The following TMEM9 variants were observed in gnomAD, a reference collection of about 807,000 sequenced individuals.
The protein encoded by TMEM9 is proton-transporting V-type ATPase complex assembly regulator TMEM9.
In TMEM9, 13 loss-of-function variants were observed where a neutral mutation model predicts 22.8. That is an observed-to-expected ratio of 0.57 (90% CI 0.37 to 0.91). TMEM9 has a LOEUF of 0.91. Ranked by LOEUF, TMEM9 falls within the 40% of genes least tolerant of loss-of-function variation. The probability of loss-of-function intolerance (pLI) is 0.01; values close to 1 mark genes in which losing one functional copy is unlikely to be tolerated. For missense variants in TMEM9, 182 were observed against 238.1 expected (o/e 0.76, Z 1.55); for synonymous variants, 88 against 93.0 (o/e 0.95, Z 0.31).
At chr1:201,169,017 G>T (rs1236181572) in intron 1 of TMEM9, among the ~76,000 whole-genome samples, 3 of 147,054 alleles carry the variant, frequency 2.0e-5, no homozygotes, top group Non-Finnish European at 4.5e-5. Context: ...TGCCCGAGCT[G>T]GTCTGAACTC....
chr1:201,135,494 A>G lies in TMEM9; in HGVS notation c.*169T>C, dbSNP rs926260989. The G allele has an allele frequency of 4.5e-6, 3 of 670,906 alleles. No homozygotes were observed. Among genetic ancestry groups the G allele is most frequent in the African/African-American group, 1.9e-5 (1 of 53,218 alleles). 41.6% of individuals were successfully genotyped at this position (670,906 alleles called of 1,614,324 possible). A position where few individuals can be genotyped will look rare whatever the true frequency, so the allele number is the denominator to read the frequency against. On this transcript the variant is annotated 3_prime_UTR_variant, in exon 5 of 5. Coordinates refer to ENST00000367330, the MANE Select transcript of TMEM9 (RefSeq NM_001288565.2). Reference sequence around the variant, plus strand: ...GAGACCACATCCCTCTTCCCTAATCAAAATAGCCAAGTACAACATTTCTAA... The same window carrying G: ...GAGACCACATCCCTCTTCCCTAATCGAAATAGCCAAGTACAACATTTCTAA...
At position 201,135,127 on chromosome 1, in the gene TMEM9, G is replaced by A. The variant is rs1663860048; in HGVS notation, c.*536C>T. On this transcript the variant is annotated 3_prime_UTR_variant, in exon 5 of 5. Coordinates refer to ENST00000367330, the MANE Select transcript of TMEM9 (RefSeq NM_001288565.2). ...GCACCCTGAAGACCCAGTGGGCTCA[G>A]GGGGCCCAGCTCTCCCATCAGAGCT... The A allele has an allele frequency of 6.5e-6, 1 of 152,996 alleles. No individual in the cohort carries two copies. Among genetic ancestry groups the A allele is most frequent in the African/African-American group, 2.4e-5 (1 of 41,466 alleles). 9.5% of individuals were successfully genotyped at this position (152,996 alleles called of 1,614,324 possible).
chr1:201,155,675 G>A (rs1376996200), upstream of TMEM9, among the ~76,000 whole-genome samples: 1 of 152,178 alleles, frequency 6.6e-6, no homozygotes, highest in Non-Finnish European at 1.5e-5. Flanking sequence ...AGTGACCAGG[G>A]CAGGAATCCT....
upstream of TMEM9, among the ~76,000 whole-genome samples, chr1:201,157,109 T>C (rs750369395): frequency 6.6e-6 from 1 of 152,118 alleles, no homozygotes; most frequent in Non-Finnish European, 1.5e-5. Flanking sequence ...AGAGGGGTCC[T>C]GGAAAAATGA....
In TMEM9 at chr1:201,154,141, C is replaced by T; in HGVS notation, c.-218G>A. 1 of 572,714 alleles carries T rather than the reference C, an allele frequency of 1.7e-6. No individual in the cohort carries two copies. The highest frequency in any genetic ancestry group is 2.1e-5 in the South Asian group (1 of 47,138). 35.5% of individuals were successfully genotyped at this position (572,714 alleles called of 1,614,324 possible). ...CCCGCCCAACTCTCCGGCTCTCCGC[C>T]AGCCACCTGGTGAGCCCGGCAGAGG... is the stretch of plus-strand genomic sequence containing the variant. On this transcript the variant is annotated 5_prime_UTR_variant, in exon 1 of 5. An upstream open reading frame in the 5' UTR gains an earlier in-frame stop. Coordinates refer to ENST00000367330, the MANE Select transcript of TMEM9 (RefSeq NM_001288565.2).
At chr1:201,139,243 C>T (rs1664289299) in intron 4 of TMEM9, among the ~76,000 whole-genome samples, 1 of 152,200 alleles carries the variant, frequency 6.6e-6, no homozygotes, top group Non-Finnish European at 1.5e-5. Context: ...TCCCTCCTCC[C>T]CAATCCCAGG....
Position 201,166,379 on chromosome 1 carries a change from T to C in TMEM9, c.-37+5111A>G, listed in dbSNP as rs541344551. Among the ~76,000 whole-genome samples the C allele has an allele frequency of 1.8e-3, 227 of 128,956 alleles. 1 individual carries two copies. Among genetic ancestry groups the C allele is most frequent in the African/African-American group, 6.6e-3 (223 of 33,604 alleles). The allele number at this position is 128,956 out of a possible 152,430, so 84.6% of individuals were successfully genotyped here. A position where few individuals can be genotyped will look rare whatever the true frequency, so the allele number is the denominator to read the frequency against. ...AAGACTATGATTCTTTTTTTTTTTTTGATACAGAGTCTCACTCTGTCACCC... is the reference window on the plus strand; with the variant it reads ...AAGACTATGATTCTTTTTTTTTTTTCGATACAGAGTCTCACTCTGTCACCC... On this transcript the variant is annotated intron_variant, in intron 1 of 5. Transcript: ENST00000367333.
intron 1 of TMEM9, among the ~76,000 whole-genome samples, chr1:201,167,229 G>C (rs894643254): frequency 6.6e-6 from 1 of 152,122 alleles, no homozygotes; most frequent in Non-Finnish European, 1.5e-5. Flanking sequence ...TAATTGATGC[G>C]GGGCCAGCCA....
In TMEM9 at chr1:201,135,468, A is replaced by C; in HGVS notation, c.*195T>G. ...AAGACCCAAGAAGACAACAGAGATC[A>C]GAGACCACATCCCTCTTCCCTAATC... is the stretch of plus-strand genomic sequence containing the variant. On this transcript the variant is annotated 3_prime_UTR_variant, in exon 5 of 5. Transcript: ENST00000367330. 1.9e-6 allele frequency: 1 copy of C among 526,100 alleles called. No individual in the cohort carries two copies. The highest frequency in any genetic ancestry group is 3.2e-6 in the Non-Finnish European group (1 of 313,116). 32.6% of individuals were successfully genotyped at this position (526,100 alleles called of 1,614,324 possible).
chr1:201,150,825 G>A (rs1665366273), intron 2 of TMEM9, among the ~76,000 whole-genome samples: 1 of 152,138 alleles, frequency 6.6e-6, no homozygotes, highest in African/African-American at 2.4e-5. Flanking sequence ...TTTTCTCAAA[G>A]CTCATCTGCT....
At chr1:201,160,003 G>A (rs1343772696) in intron 1 of TMEM9, among the ~76,000 whole-genome samples, 1 of 152,204 alleles carries the variant, frequency 6.6e-6, no homozygotes, top group Non-Finnish European at 1.5e-5. Flanking sequence ...TCTTTTGGGT[G>A]TAGACCTCAT....
At chr1:201,165,438 T>C (rs1666050174) in intron 1 of TMEM9, among the ~76,000 whole-genome samples, 8 of 149,428 alleles carry the variant, frequency 5.4e-5, no homozygotes, top group Admixed American at 4.0e-4. Flanking sequence ...ATTTTCTTTT[T>C]CTTTCTTTTT....
intron 3 of TMEM9, 84 bp downstream of exon 3, chr1:201,146,656 G>C (rs1177967191): frequency 1.4e-6 from 2 of 1,388,664 alleles, no homozygotes; most frequent in African/African-American, 2.8e-5. Context: ...CCAGAATAAA[G>C]TGAAAAACTG....
At chr1:201,154,729 A>G (rs953009686), upstream of TMEM9, among the ~76,000 whole-genome samples, 2 of 152,146 alleles carry the variant, frequency 1.3e-5, no homozygotes, top group South Asian at 4.2e-4. Flanking sequence ...GTATTATAAA[A>G]CTCAGCTTGT....
chr1:201,135,682 C>T lies in TMEM9; in HGVS notation c.533G>A (p.Arg178Gln), dbSNP rs771944962. 1.2e-5 allele frequency: 19 copies of T among 1,612,272 alleles called. No homozygotes were observed. Among genetic ancestry groups the T allele is most frequent in the Non-Finnish European group, 1.4e-5 (17 of 1,179,190 alleles). ...GCCCATCTAGCTGAGCATCTTGTGC[C>T]GATCGAAGACTGTCTTCCGCTGCTC... is the stretch of plus-strand genomic sequence containing the variant. ...VQEQRKTVFD[R>Q]HKMLS The change falls in exon 5 of 5, where the codon CGG (arginine) becomes CAG (glutamine). Residue 178 changes from arginine to glutamine, a missense_variant. Physicochemically the swap from Arg to Gln is conservative, Grantham distance 43. Coordinates refer to ENST00000367330, the MANE Select transcript of TMEM9 (RefSeq NM_001288565.2).
chr1:201,135,940 C>T, intron 4 of TMEM9, 125 bp from the exon 5 acceptor site: 1 of 980,554 alleles, frequency 1.0e-6, no homozygotes, highest in Non-Finnish European at 1.4e-6. Flanking sequence ...GAGGCTGGGC[C>T]TCCCCAAGTG....
rs149993021 is a variant in TMEM9 at position 201,141,498 on chromosome 1, C to T, written c.399+2322G>A. On this transcript the variant is annotated intron_variant, in intron 4 of 4. Transcript: ENST00000367330. ...AAGGGCACCCAATGAGATCTACCTG[C>T]CCCAGGCCACAACCAGCGAGAGTTG... Among the ~76,000 whole-genome samples, 235 of 152,282 alleles carry T rather than the reference C, an allele frequency of 1.5e-3. 2 individuals carry two copies. Among genetic ancestry groups the T allele is most frequent in the African/African-American group, 5.5e-3 (227 of 41,538 alleles).
chr1:201,155,736 C>T (rs928563340), upstream of TMEM9, among the ~76,000 whole-genome samples: 7 of 152,082 alleles, frequency 4.6e-5, no homozygotes, highest in African/African-American at 9.7e-5. Context: ...TTTAGGACAC[C>T]GCCTTTGGAT....
chr1:201,143,182 G>A (rs1191151926), intron 4 of TMEM9, among the ~76,000 whole-genome samples: 1 of 152,196 alleles, frequency 6.6e-6, no homozygotes, highest in African/African-American at 2.4e-5. Context: ...GTCAGATAAA[G>A]CCAAACCCCC....
Sources: gnomAD v4.1 joint callset for allele counts (sites outside exome capture counted in the v4.1 genomes callset) on GRCh38, gnomAD v4.1.1 for gene constraint, MANE v1.5 for transcripts, NCBI Gene and HGNC (gene_info 2026-07-23, HGNC 2026-07-21) for gene names.